Variants in SEH1L observed in about 807,000 individuals in gnomAD.
SEH1L encodes nucleoporin SEH1.
In SEH1L, 18 loss-of-function variants were observed where a neutral mutation model predicts 49.5. The ratio of observed to expected loss-of-function variants is 0.36; its 90% confidence interval spans 0.25 to 0.54. SEH1L has a LOEUF of 0.54. Among genes scored for constraint, SEH1L ranks in the 20% least tolerant of loss-of-function variants. The pLI is 0.87. For synonymous variants in SEH1L, 169 were observed against 178.1 expected (o/e 0.95, Z 0.41); for missense variants, 404 against 528.8 (o/e 0.76, Z 2.31).
chr18:12,986,785 C>A, intron 8 of SEH1L, 77 bp from the exon 9 acceptor site: 2 of 1,209,806 alleles, frequency 1.7e-6, no homozygotes, highest in Non-Finnish European at 2.1e-6. Context: ...GTATTTACTA[C>A]TTTTCTCTTT....
At chr18:12,948,541 C>T (rs940118809) in intron 1 of SEH1L, 3 of 236,776 alleles carry the variant, frequency 1.3e-5, no homozygotes, top group African/African-American at 6.8e-5. Context: ...AGGGGCATCC[C>T]ACCGTCAGCC....
At chr18:12,961,185 G>A (rs1420202376) in intron 3 of SEH1L, among the ~76,000 whole-genome samples, 6 of 152,148 alleles carry the variant, frequency 3.9e-5, no homozygotes, top group African/African-American at 7.2e-5. Flanking sequence ...CACTTGAGGC[G>A]TTTTTCCCTT....
At chr18:12,949,047 G>T (rs544192318) in intron 1 of SEH1L, among the ~76,000 whole-genome samples, 2 of 150,970 alleles carry the variant, frequency 1.3e-5, no homozygotes, top group East Asian at 3.9e-4. Flanking sequence ...TTTTAGTAGA[G>T]ACAGAGTTTC....
At chr18:12,962,631 CTTT>C (rs562045826) in intron 3 of SEH1L, among the ~76,000 whole-genome samples, 1 of 138,426 alleles carries the variant, frequency 7.2e-6, no homozygotes, top group African/African-American at 2.6e-5. Context: ...CCACACCTGG[CTTT>C]TTTTTTTTTT....
intron 3 of SEH1L, among the ~76,000 whole-genome samples, chr18:12,956,439 G>A (rs61480660): frequency 0.33 from 46,158 of 139,396 alleles, 8,684 homozygotes; most frequent in East Asian, 0.6. Flanking sequence ...CAGATCCACT[G>A]TGTGTCTGGG....
intron 6 of SEH1L, among the ~76,000 whole-genome samples, chr18:12,979,709 A>T: frequency 7.4e-6 from 1 of 134,952 alleles, no homozygotes; most frequent in African/African-American, 2.9e-5. Context: ...TGACCCCCCC[A>T]CCTCCCTCCC....
At chr18:12,965,161 T>C (rs1001144279) in intron 4 of SEH1L, among the ~76,000 whole-genome samples, 11 of 151,676 alleles carry the variant, frequency 7.3e-5, no homozygotes, top group Non-Finnish European at 1.5e-4. Context: ...TACAGGTGCC[T>C]GCCACCACGC....
chr18:12,960,688 T>C (rs2031131376), intron 3 of SEH1L, among the ~76,000 whole-genome samples: 1 of 152,142 alleles, frequency 6.6e-6, no homozygotes, highest in South Asian at 2.1e-4. Flanking sequence ...AAGTCTGAGG[T>C]GTGTCAGTTC....
chr18:12,979,592 C>T (rs1482512102), intron 6 of SEH1L, among the ~76,000 whole-genome samples: 2 of 152,166 alleles, frequency 1.3e-5, no homozygotes, highest in African/African-American at 4.8e-5. Flanking sequence ...AGTACACCTC[C>T]CAGACGGGGT....
intron 7 of SEH1L, 57 bp downstream of exon 7, chr18:12,982,732 C>A: frequency 7.6e-7 from 1 of 1,315,668 alleles, no homozygotes; most frequent in South Asian, 1.5e-5. Flanking sequence ...GCAATTTTTA[C>A]TTAAAATGTA....
intron 6 of SEH1L, among the ~76,000 whole-genome samples, chr18:12,981,600 T>G (rs1370726393): frequency 2.0e-5 from 3 of 152,206 alleles, no homozygotes; most frequent in Non-Finnish European, 4.4e-5. Flanking sequence ...TATGTCTTTT[T>G]GGAAAGGGGA....
At position 12,987,007 on chromosome 18, in the gene SEH1L, C is replaced by T. The variant is rs776918239; in HGVS notation, c.1216C>T (p.Arg406Ter). 28 of 1,613,312 alleles carry T rather than the reference C, an allele frequency of 1.7e-5. No homozygotes were observed. Among genetic ancestry groups the T allele is most frequent in the African/African-American group, 8.0e-5 (6 of 74,846 alleles). The change falls in exon 9 of 9, where the codon CGA (arginine) becomes TGA (stop). Residue 406 changes from arginine to a stop codon, truncating the protein, a stop_gained. Transcript: ENST00000399892. LOFTEE classifies it high-confidence loss of function. ...ANLQYPHPRR[R>*]YLSRPLNPLP... ...CCTCCAGTATCCTCACCCTCGCAGA[C>T]GATATCTCTCTCGGCCTCTTAATCC...
chr18:12,963,062 A>G, intron 3 of SEH1L, 98 bp from the exon 4 acceptor site: 4 of 809,916 alleles, frequency 4.9e-6, no homozygotes, highest in Non-Finnish European at 7.6e-6. Flanking sequence ...AGTGAATGAT[A>G]GAGGAGTTTC....
Position 12,982,606 on chromosome 18 carries a change from G to C in SEH1L, c.850G>C (p.Val284Leu). ...FDNHNSQVWR[V>L]SWNITGTVLA... ...TAATCATAATTCTCAGGTCTGGCGA[G>C]TGAGTTGGAATATAACAGGAACGGT... Residue 284 changes from valine to leucine, a missense_variant, in exon 7 of 9, where the codon GTG becomes CTG. Coordinates refer to ENST00000399892, the MANE Select transcript of SEH1L (RefSeq NM_001013437.2). The C allele has an allele frequency of 6.2e-7, 1 of 1,613,936 alleles. No individual in the cohort carries two copies. Among genetic ancestry groups the C allele is most frequent in the Admixed American group, 1.7e-5 (1 of 60,016 alleles).
Position 12,971,199 on chromosome 18 carries a change from A to G in SEH1L, c.568A>G (p.Ser190Gly), listed in dbSNP as rs747537985. ...PMIAVGSDDS[S>G]PNAMAKVQIF... ...GATCGCCGTAGGAAGTGATGACAGTAGCCCCAACGCAATGGCCAAGGTTCA... is the reference window on the plus strand; with the variant it reads ...GATCGCCGTAGGAAGTGATGACAGTGGCCCCAACGCAATGGCCAAGGTTCA... The change falls in exon 5 of 9, where the codon AGC becomes GGC. Residue 190 changes from serine (S) to glycine (G), a missense_variant. Ser to Gly is a moderately conservative substitution (Grantham distance 56, BLOSUM62 0). Transcript: ENST00000399892. 1.6e-5 allele frequency: 26 copies of G among 1,614,068 alleles called. No homozygotes were observed. The highest frequency in any genetic ancestry group is 2.0e-5 in the Non-Finnish European group (24 of 1,179,918).
At chr18:12,967,091 A>T (rs1291766812) in intron 4 of SEH1L, among the ~76,000 whole-genome samples, 1 of 152,224 alleles carries the variant, frequency 6.6e-6, no homozygotes, top group Non-Finnish European at 1.5e-5. Flanking sequence ...TTGTTTGCTG[A>T]ATTACAGTCA....
rs1598938978 is a variant in SEH1L at position 12,951,843 on chromosome 18, A to G, written c.112-12A>G. ...TTTTTGTATAAAATATCTGCCTTTT[A>G]TTTTCTTATAGGTCTGGGATAAAAG... is the stretch of plus-strand genomic sequence containing the variant. On this transcript the variant is annotated splice_polypyrimidine_tract_variant and intron_variant, in intron 1 of 8. Transcript: ENST00000399892. The G allele has an allele frequency of 1.3e-5, 20 of 1,536,440 alleles. No individual in the cohort carries two copies. Among genetic ancestry groups the G allele is most frequent in the Non-Finnish European group, 1.7e-5 (19 of 1,123,244 alleles).
Position 12,975,918 on chromosome 18 carries a change from C to T in SEH1L, c.621-2834C>T, listed in dbSNP as rs529105191. 73 of 972,404 alleles carry T rather than the reference C, an allele frequency of 7.5e-5. No homozygotes were observed. The East Asian group carries it at 4.6e-3, about 61-fold the overall frequency. 60.2% of individuals were successfully genotyped at this position (972,404 alleles called of 1,614,324 possible). ...GTTTCTGACCTAGCTGATGGTAGTGCCACTTGTTGAGATGGGGACTGAGCA... is the reference window on the plus strand; with the variant it reads ...GTTTCTGACCTAGCTGATGGTAGTGTCACTTGTTGAGATGGGGACTGAGCA... On this transcript the variant is annotated intron_variant, in intron 5 of 8. Transcript: ENST00000399892.
At chr18:12,959,639 A>C (rs760650151) in intron 3 of SEH1L, among the ~76,000 whole-genome samples, 19 of 152,290 alleles carry the variant, frequency 1.2e-4, no homozygotes, top group Non-Finnish European at 2.2e-4. Flanking sequence ...TGATTTGCAA[A>C]TATTTTCTCC....
Sources: allele counts gnomAD v4.1 joint callset (sites outside exome capture counted in the v4.1 genomes callset), GRCh38; gene constraint gnomAD v4.1.1; transcripts MANE v1.5; gene names NCBI Gene and HGNC (gene_info 2026-07-23, HGNC 2026-07-21).